The following IQCM variants were observed in gnomAD, a reference collection of about 807,000 sequenced individuals.
IQCM encodes the protein IQ motif containing M.
IQCM carries 45 observed loss-of-function variants against 57.6 expected under a neutral mutation model. That is an observed-to-expected ratio of 0.78 (90% confidence interval 0.62 to 1.00). The LOEUF is 1.00. Among genes scored for constraint, IQCM ranks in the 50% least tolerant of loss-of-function variants. The pLI, the probability that IQCM is intolerant of heterozygous loss-of-function variation, is 0.00. For missense variants in IQCM, 468 were observed against 511.6 expected (o/e 0.91, Z 0.82); for synonymous variants, 148 against 158.9 (o/e 0.93, Z 0.51).
At chr4:149,566,028 G>T (rs1160571831) in intron 9 of IQCM, among the ~76,000 whole-genome samples, 1 of 152,122 alleles carries the variant, frequency 6.6e-6, no homozygotes, top group Non-Finnish European at 1.5e-5. Flanking sequence ...ACAAAGTTTT[G>T]TATTTGTTTG....
chr4:149,374,736 G>C (rs1171271196), intron 13 of IQCM, among the ~76,000 whole-genome samples: 1 of 151,992 alleles, frequency 6.6e-6, no homozygotes, highest in Non-Finnish European at 1.5e-5. Context: ...CTGAGACCTA[G>C]CTCCCAACTC....
chr4:149,536,469 C>T (rs1747307392), intron 12 of IQCM, among the ~76,000 whole-genome samples: 1 of 151,934 alleles, frequency 6.6e-6, no homozygotes, highest in East Asian at 1.9e-4. Context: ...CTTTTATTTT[C>T]TTATCTAGTT....
At chr4:149,622,516 G>A (rs1362164576) in intron 7 of IQCM, among the ~76,000 whole-genome samples, 3 of 151,898 alleles carry the variant, frequency 2.0e-5, no homozygotes, top group Admixed American at 1.3e-4. Context: ...CTAATTTTTT[G>A]TATTTTTTAG....
intron 12 of IQCM, among the ~76,000 whole-genome samples, chr4:149,521,927 C>G (rs979458420): frequency 6.6e-6 from 1 of 152,176 alleles, no homozygotes; most frequent in East Asian, 1.9e-4. Flanking sequence ...ACGCAAGAAA[C>G]ACTGAATGCT....
intron 12 of IQCM, among the ~76,000 whole-genome samples, chr4:149,441,703 T>C (rs1735956655): frequency 6.6e-6 from 1 of 152,186 alleles, no homozygotes; most frequent in Non-Finnish European, 1.5e-5. Flanking sequence ...TGAGGTCTCA[T>C]GTGTATTATG....
intron 8 of IQCM, among the ~76,000 whole-genome samples, chr4:149,608,222 C>T (rs1754972086): frequency 6.6e-6 from 1 of 151,766 alleles, no homozygotes; most frequent in South Asian, 2.1e-4. Flanking sequence ...ATAACAATTT[C>T]CAAATTATAT....
At chr4:149,566,479 A>G in intron 9 of IQCM, among the ~76,000 whole-genome samples, 1 of 151,840 alleles carries the variant, frequency 6.6e-6, no homozygotes, top group East Asian at 1.9e-4. Context: ...TCTACTGAAA[A>G]GTTTGTGTGT....
intron 10 of IQCM, among the ~76,000 whole-genome samples, chr4:149,558,845 C>T (rs549986165): frequency 6.6e-6 from 1 of 152,184 alleles, no homozygotes; most frequent in South Asian, 2.1e-4. Flanking sequence ...GGCCCAATTC[C>T]CTTCTGAATT....
At chr4:149,435,933 A>G (rs986261857) in intron 12 of IQCM, among the ~76,000 whole-genome samples, 2 of 152,176 alleles carry the variant, frequency 1.3e-5, no homozygotes, top group African/African-American at 4.8e-5. Context: ...AAAGTTACAA[A>G]GAAATTTAAA....
Position 149,746,003 on chromosome 4 carries a change from C to A in IQCM, c.-48-3264G>T, listed in dbSNP as rs374612780. ...AAGAAAAAGACAAGACAAGCCAAGG[C>A]TTTATCATGGCTCTTATAATTCAGT... On this transcript the variant is annotated intron_variant, in intron 2 of 13. Coordinates refer to ENST00000636793, the MANE Select transcript of IQCM (RefSeq NM_001363507.2). Among the ~76,000 whole-genome samples, 11 of 149,324 alleles carry A rather than the reference C, an allele frequency of 7.4e-5. No homozygotes were observed. In the East Asian group the frequency reaches 1.4e-3, roughly 19 times the overall value.
At chr4:149,648,753 T>C (rs1036111114) in intron 7 of IQCM, among the ~76,000 whole-genome samples, 1 of 150,870 alleles carries the variant, frequency 6.6e-6, no homozygotes, top group African/African-American at 2.4e-5. Context: ...TGTTGTGGGG[T>C]GGGGGGAGAA....
intron 12 of IQCM, among the ~76,000 whole-genome samples, chr4:149,468,433 C>T (rs1052611516): frequency 1.3e-5 from 2 of 152,280 alleles, no homozygotes; most frequent in Non-Finnish European, 1.5e-5. Flanking sequence ...GGGGGAGGGG[C>T]GTCCGCCATT....
chr4:149,553,574 A>G (rs1014271423), intron 10 of IQCM, among the ~76,000 whole-genome samples: 2 of 152,186 alleles, frequency 1.3e-5, no homozygotes, highest in African/African-American at 4.8e-5. Flanking sequence ...GCAGATTTCC[A>G]TAATATGTAG....
chr4:149,747,054 A>T (rs1235005885), intron 2 of IQCM, among the ~76,000 whole-genome samples: 1 of 152,130 alleles, frequency 6.6e-6, no homozygotes, highest in East Asian at 1.9e-4. Flanking sequence ...TCCTCTACTA[A>T]GTCAACAAGG....
intron 2 of IQCM, among the ~76,000 whole-genome samples, chr4:149,756,311 G>A (rs1035883212): frequency 6.6e-6 from 1 of 152,016 alleles, no homozygotes; most frequent in African/African-American, 2.4e-5. Flanking sequence ...AGAAAAGGAT[G>A]GCAACTTTGA....
At chr4:149,756,175 T>C (rs994588071) in intron 2 of IQCM, among the ~76,000 whole-genome samples, 2 of 152,202 alleles carry the variant, frequency 1.3e-5, no homozygotes, top group Admixed American at 6.5e-5. Flanking sequence ...GCCAGGAATT[T>C]TTACTGCTTT....
At chr4:149,526,648 T>C (rs1377887878) in intron 12 of IQCM, among the ~76,000 whole-genome samples, 1 of 151,976 alleles carries the variant, frequency 6.6e-6, no homozygotes. Flanking sequence ...AAATATACTA[T>C]AATGATAAAA....
At chr4:149,731,087 C>T (rs1186457313) in intron 5 of IQCM, among the ~76,000 whole-genome samples, 1 of 152,156 alleles carries the variant, frequency 6.6e-6, no homozygotes, top group Non-Finnish European at 1.5e-5. Flanking sequence ...CATCCCTTTC[C>T]CCACTTGTCC....
chr4:149,535,727 A>C lies in IQCM; in HGVS notation c.1228+12728T>G, dbSNP rs185372019. Among the ~76,000 whole-genome samples the C allele has an allele frequency of 2.0e-5, 3 of 152,176 alleles. No individual in the cohort carries two copies. In the East Asian group the frequency reaches 5.8e-4, roughly 29 times the overall value. On this transcript the variant is annotated intron_variant, in intron 12 of 13. Coordinates refer to ENST00000636793, the MANE Select transcript of IQCM (RefSeq NM_001363507.2). ...GCTTACATAACAATGGCACAAATATATCAAACCAAATAATAAGAGTCAAAG... is the reference window on the plus strand; with the variant it reads ...GCTTACATAACAATGGCACAAATATCTCAAACCAAATAATAAGAGTCAAAG...
Sources: allele counts gnomAD v4.1 joint callset (sites outside exome capture counted in the v4.1 genomes callset), GRCh38; gene constraint gnomAD v4.1.1; transcripts MANE v1.5; gene names NCBI Gene and HGNC (gene_info 2026-07-23, HGNC 2026-07-21).